ERV3-1: variants seen among roughly 807,000 people sequenced by gnomAD.
The protein encoded by ERV3-1 is endogenous retrovirus group 3 member 1, envelope, also known as endogenous retrovirus group 3 member 1 Env polyprotein.
ERV3-1 carries 36 observed loss-of-function variants against 24.6 expected under a neutral mutation model. That is an observed-to-expected ratio of 1.47 (90% CI 1.12 to 1.94). ERV3-1 has a LOEUF of 1.94. Among genes scored for constraint, ERV3-1 ranks in the 30% most tolerant of loss-of-function variants. The pLI, the probability that ERV3-1 is intolerant of heterozygous loss-of-function variation, is 0.00. For synonymous variants in ERV3-1, 211 were observed against 122.6 expected (o/e 1.72, Z -4.76); for missense variants, 578 against 330.9 (o/e 1.75, Z -5.79).
At chr7:64,997,501 G>A (rs529872422) in intron 1 of ERV3-1, among the ~76,000 whole-genome samples, 13 of 152,278 alleles carry the variant, frequency 8.5e-5, no homozygotes, top group African/African-American at 2.6e-4. Flanking sequence ...GATTTTCCCC[G>A]TGTTGACTGC....
At chr7:64,997,680 C>A (rs1363131076) in intron 1 of ERV3-1, among the ~76,000 whole-genome samples, 1 of 152,134 alleles carries the variant, frequency 6.6e-6, no homozygotes, top group Non-Finnish European at 1.5e-5. Context: ...GTGTTCCAGC[C>A]AGTGGAGGGC....
Position 64,992,688 on chromosome 7 carries a change from G to C in ERV3-1, c.339C>G (p.Gly113=). 1 of 766,398 alleles carries C rather than the reference G, an allele frequency of 1.3e-6. No homozygotes were observed. The highest frequency in any genetic ancestry group is 2.4e-6 in the Non-Finnish European group (1 of 417,892). 47.5% of individuals were successfully genotyped at this position (766,398 alleles called of 1,614,324 possible). A position where few individuals can be genotyped will look rare whatever the true frequency, so the allele number is the denominator to read the frequency against. Residue 113 remains glycine, a synonymous_variant, in exon 2 of 2, where the codon GGC becomes GGG. Transcript: ENST00000394323. The part of the protein sequence containing the change: ...LLNQTKVFPS[G]KDVVSLYFDV... ...CAAAGTATAAGGATACGACATCCTT[G>C]CCAGAGGGAAATACCTTGGTTTGGT...
At chr7:65,006,444 C>G in intron 1 of ERV3-1, 97 bp downstream of exon 1, 1 of 1,517,916 alleles carries the variant, frequency 6.6e-7, no homozygotes, top group Admixed American at 1.7e-5. Flanking sequence ...GATTTTGGAG[C>G]CAGCTGCGGG....
intron 1 of ERV3-1, among the ~76,000 whole-genome samples, chr7:65,002,779 A>G (rs1268195138): frequency 2.0e-5 from 3 of 152,158 alleles, no homozygotes; most frequent in Non-Finnish European, 4.4e-5. Context: ...TTTCTGATCT[A>G]AAATCTGATT....
rs1186150865 is a variant in ERV3-1, at chr7:64,991,808, C to T, written c.1219G>A (p.Ala407Thr). 1 of 766,152 alleles carries T rather than the reference C, an allele frequency of 1.3e-6. No individual in the cohort carries two copies. Among genetic ancestry groups the T allele is most frequent in the South Asian group, 1.3e-5 (1 of 74,600 alleles). 47.5% of individuals were successfully genotyped at this position (766,152 alleles called of 1,614,324 possible). ...GAGGGTGCCTGCCAGGTATTTGGAG[C>T]TTCAAGTTGGTACCAAGAATGGTTT... is the stretch of plus-strand genomic sequence containing the variant. ...SLNHSWYQLE[A>T]PNTWQAPSGL... The change falls in exon 2 of 2, where the codon GCT (alanine) becomes ACT (threonine). Residue 407 changes from alanine (A) to threonine (T), a missense_variant. Ala to Thr is a moderately conservative substitution (Grantham distance 58). Coordinates refer to ENST00000394323, the MANE Select transcript of ERV3-1 (RefSeq NM_001007253.4).
At position 65,006,664 on chromosome 7, in the gene ERV3-1, G is replaced by C; in HGVS notation, c.-512C>G. The C allele has an allele frequency of 6.6e-7, 1 of 1,503,912 alleles. No homozygotes were observed. Among genetic ancestry groups the C allele is most frequent in the Middle Eastern group, 1.7e-4 (1 of 5,742 alleles). The allele number at this position is 1,503,912 out of a possible 1,614,324, so 93.2% of individuals were successfully genotyped here. ...ACACAGAGCAGTGAAGACTACACCA[G>C]AAGCTCCGGCTGCCGCCAGAGACAA... is the stretch of plus-strand genomic sequence containing the variant. On this transcript the variant is annotated 5_prime_UTR_variant, in exon 1 of 2. Coordinates refer to ENST00000394323, the MANE Select transcript of ERV3-1 (RefSeq NM_001007253.4).
At chr7:65,001,705 A>G (rs1786527909) in intron 1 of ERV3-1, among the ~76,000 whole-genome samples, 1 of 152,216 alleles carries the variant, frequency 6.6e-6, no homozygotes, top group East Asian at 1.9e-4. Flanking sequence ...CCAGACACCC[A>G]GAGTTCCATT....
intron 1 of ERV3-1, 83 bp downstream of exon 1, chr7:65,006,458 G>C: frequency 6.5e-7 from 1 of 1,537,722 alleles, no homozygotes; most frequent in Non-Finnish European, 9.0e-7. Context: ...CTGCGGGGAG[G>C]CCAGAGTCCC....
Position 64,991,406 on chromosome 7 carries a change from T to C in ERV3-1, c.1621A>G (p.Thr541Ala). Residue 541 changes from threonine to alanine, a missense_variant, in exon 2 of 2, where the codon ACA (threonine) becomes GCA (alanine). Thr to Ala is a moderately conservative substitution (Grantham distance 58, BLOSUM62 0). Transcript: ENST00000394323. ...TGATAAATGACATTTCTCATTTTTG[T>C]GGCTTGCTGGGCAAGCAGATTCAAG... ...GALNLLAQQA[T>A]KMRNVIYQNR... 1.4e-6 allele frequency: 1 copy of C among 704,066 alleles called. No homozygotes were observed. Among genetic ancestry groups the C allele is most frequent in the Non-Finnish European group, 2.6e-6 (1 of 384,916 alleles). The allele number at this position is 704,066 out of a possible 1,614,324, so 43.6% of individuals were successfully genotyped here. A position where few individuals can be genotyped will look rare whatever the true frequency, so the allele number is the denominator to read the frequency against.
At chr7:64,994,816 C>A (rs914246924) in intron 1 of ERV3-1, among the ~76,000 whole-genome samples, 3 of 152,272 alleles carry the variant, frequency 2.0e-5, no homozygotes, top group Non-Finnish European at 4.4e-5. Flanking sequence ...GCTGCTAGCT[C>A]TGCCTTCTGG....
chr7:64,997,586 C>A (rs1023282130), intron 1 of ERV3-1, among the ~76,000 whole-genome samples: 1 of 152,106 alleles, frequency 6.6e-6, no homozygotes, highest in Non-Finnish European at 1.5e-5. Context: ...TGGGCTGCAT[C>A]ATTTGGGTCC....
At chr7:64,995,492 G>A (rs936147448) in intron 1 of ERV3-1, among the ~76,000 whole-genome samples, 4 of 152,184 alleles carry the variant, frequency 2.6e-5, no homozygotes, top group Admixed American at 2.0e-4. Flanking sequence ...CAGCCTTTCA[G>A]AGGAGGGGTT....
At chr7:64,994,410 T>C (rs1177143171) in intron 1 of ERV3-1, among the ~76,000 whole-genome samples, 2 of 152,210 alleles carry the variant, frequency 1.3e-5, no homozygotes, top group Admixed American at 6.5e-5. Context: ...TCCAGTTTTT[T>C]GGGCAAAACA....
chr7:64,999,935 C>T (rs1484256882), intron 1 of ERV3-1, among the ~76,000 whole-genome samples: 2 of 152,170 alleles, frequency 1.3e-5, no homozygotes, highest in African/African-American at 4.8e-5. Flanking sequence ...TTTCCTGCCT[C>T]ATATACACTG....
At chr7:65,005,636 A>G (rs769217885) in intron 1 of ERV3-1, among the ~76,000 whole-genome samples, 1 of 152,168 alleles carries the variant, frequency 6.6e-6, no homozygotes, top group Non-Finnish European at 1.5e-5. Flanking sequence ...GGAACTGGAA[A>G]TTTAGTATTT....
intron 1 of ERV3-1, 135 bp downstream of exon 1, chr7:65,006,406 G>T (rs1423292724): frequency 3.6e-6 from 5 of 1,401,588 alleles, no homozygotes; most frequent in Non-Finnish European, 5.0e-6. Flanking sequence ...TGAGGGCCGA[G>T]CTGCGCCAAG....
Position 64,992,135 on chromosome 7 carries a change from T to A in ERV3-1, c.892A>T (p.Met298Leu), listed in dbSNP as rs1786284065. 2 of 766,392 alleles carry A rather than the reference T, an allele frequency of 2.6e-6. No individual in the cohort carries two copies. The highest frequency in any genetic ancestry group is 4.9e-5 in the East Asian group (2 of 41,232). 47.5% of individuals were successfully genotyped at this position (766,392 alleles called of 1,614,324 possible). Residue 298 changes from methionine to leucine, a missense_variant, in exon 2 of 2, where the codon ATG becomes TTG. By Grantham distance (15) the Met-to-Leu change is conservative. Transcript: ENST00000394323. ...HVASCYVCGG[M>L]NMGDQWPWEA... ...CATGGCCATTGGTCTCCCATGTTCATTCCCCCACAGACATAACATGAAGCA... is the reference window on the plus strand; with the variant it reads ...CATGGCCATTGGTCTCCCATGTTCAATCCCCCACAGACATAACATGAAGCA...
At chr7:65,000,955 A>T (rs1345636333) in intron 1 of ERV3-1, among the ~76,000 whole-genome samples, 1 of 152,246 alleles carries the variant, frequency 6.6e-6, no homozygotes, top group Admixed American at 6.5e-5. Context: ...GACCAAATGC[A>T]TGTTCTCATT....
At chr7:64,997,947 G>T (rs776399793) in intron 1 of ERV3-1, among the ~76,000 whole-genome samples, 1 of 152,142 alleles carries the variant, frequency 6.6e-6, no homozygotes, top group African/African-American at 2.4e-5. Flanking sequence ...ATAGGTCCCC[G>T]TGTTTCACGG....
Sources: allele counts gnomAD v4.1 joint callset (sites outside exome capture counted in the v4.1 genomes callset), GRCh38; gene constraint gnomAD v4.1.1; transcripts MANE v1.5; gene names NCBI Gene and HGNC (gene_info 2026-07-23, HGNC 2026-07-21).